Variants in ACYP2 observed in about 807,000 individuals in gnomAD.
ACYP2 encodes acylphosphatase 2.
Under a neutral mutation model 11.2 loss-of-function variants are expected in ACYP2, and 12 were observed. The ratio of observed to expected loss-of-function variants is 1.08; its 90% confidence interval spans 0.69 to 1.74. The LOEUF (loss-of-function observed/expected upper bound fraction) is 1.74, where lower values mean the gene tolerates loss of function less well. Ranked by LOEUF, ACYP2 falls within the 40% of genes most tolerant of loss-of-function variation. ACYP2 has a pLI of 0.00. For synonymous variants in ACYP2, 43 were observed against 32.2 expected (o/e 1.33, Z -1.13); for missense variants, 134 against 101.9 (o/e 1.31, Z -1.35).
At chr2:54,066,372 C>G (rs1185542463) in intron 4 of ACYP2, among the ~76,000 whole-genome samples, 1 of 152,216 alleles carries the variant, frequency 6.6e-6, no homozygotes, top group Non-Finnish European at 1.5e-5. Context: ...ACATGCAGAA[C>G]TGTGAGTCAA....
At chr2:54,299,476 C>A (rs1337874388) in intron 6 of ACYP2, among the ~76,000 whole-genome samples, 1 of 151,592 alleles carries the variant, frequency 6.6e-6, no homozygotes, top group African/African-American at 2.4e-5. Flanking sequence ...CCTGTAATCC[C>A]AGTTACTCAG....
chr2:54,044,555 C>A (rs1675415774), intron 2 of ACYP2, among the ~76,000 whole-genome samples: 2 of 151,998 alleles, frequency 1.3e-5, no homozygotes, highest in African/African-American at 4.8e-5. Flanking sequence ...CCACTGCACT[C>A]CAGTCTGGGC....
At chr2:54,303,095 C>A (rs1054705648) in intron 6 of ACYP2, among the ~76,000 whole-genome samples, 1 of 152,180 alleles carries the variant, frequency 6.6e-6, no homozygotes, top group Non-Finnish European at 1.5e-5. Flanking sequence ...GTGGCTCACA[C>A]CTGTCATCCA....
At chr2:54,144,544 C>T (rs974212338) in intron 6 of ACYP2, among the ~76,000 whole-genome samples, 2 of 151,766 alleles carry the variant, frequency 1.3e-5, no homozygotes, top group East Asian at 3.9e-4. Flanking sequence ...CGTGGTGGTA[C>T]ACACCTGTAA....
intron 2 of ACYP2, among the ~76,000 whole-genome samples, chr2:54,032,679 T>C (rs139515889): frequency 0.021 from 3,167 of 152,260 alleles, 104 homozygotes; most frequent in African/African-American, 0.073. Context: ...ATTGGTAGCT[T>C]GATGGGGATG....
At chr2:54,258,823 A>G (rs1687661978) in intron 6 of ACYP2, among the ~76,000 whole-genome samples, 1 of 152,216 alleles carries the variant, frequency 6.6e-6, no homozygotes, top group African/African-American at 2.4e-5. Flanking sequence ...TGGGTAATTT[A>G]TAAAGAAAAG....
At chr2:54,133,987 T>C (rs182708743) in intron 4 of ACYP2, among the ~76,000 whole-genome samples, 2 of 152,306 alleles carry the variant, frequency 1.3e-5, no homozygotes, top group South Asian at 2.1e-4. Context: ...TTGGCCAATA[T>C]AGAACAGCTT....
chr2:54,114,739 G>T (rs1679655660), intron 4 of ACYP2, among the ~76,000 whole-genome samples: 1 of 152,184 alleles, frequency 6.6e-6, no homozygotes, highest in South Asian at 2.1e-4. Flanking sequence ...CAGACAAGAT[G>T]ACTACAGTGT....
intron 6 of ACYP2, among the ~76,000 whole-genome samples, chr2:54,139,128 C>T (rs1195644926): frequency 1.3e-5 from 2 of 152,174 alleles, no homozygotes; most frequent in Non-Finnish European, 2.9e-5. Context: ...GGGCTGGCCT[C>T]GAGAAGAATT....
chr2:53,991,849 G>A (rs1472996705), intron 2 of ACYP2, among the ~76,000 whole-genome samples: 1 of 151,850 alleles, frequency 6.6e-6, no homozygotes, highest in Non-Finnish European at 1.5e-5. Context: ...GGAGTGTAGT[G>A]GCTATTCACA....
chr2:54,107,175 C>CT (rs1679211488), intron 4 of ACYP2, among the ~76,000 whole-genome samples: 1 of 152,030 alleles, frequency 6.6e-6, no homozygotes, highest in Non-Finnish European at 1.5e-5. Context: ...AACTAGAGCG[C>CT]TAGACATGTT....
At chr2:54,210,312 C>G (rs1041244335) in intron 6 of ACYP2, among the ~76,000 whole-genome samples, 1 of 152,036 alleles carries the variant, frequency 6.6e-6, no homozygotes, top group African/African-American at 2.4e-5. Context: ...CCAATGTTGA[C>G]TGAAATTGCT....
chr2:54,178,352 T>C lies in ACYP2; in HGVS notation c.404+39604T>C, dbSNP rs1683559270. ...TTATGGCTGGACCGTGAACCTTGAG[T>C]TGTTTATCCAGTAGTGCTAAGAGAT... On this transcript the variant is annotated intron_variant, in intron 6 of 6. Transcript: ENST00000607452. Among the ~76,000 whole-genome samples, 3 of 152,276 alleles carry C rather than the reference T, an allele frequency of 2.0e-5. No homozygotes were observed. The South Asian group carries it at 6.2e-4, about 32-fold the overall frequency.
At chr2:54,039,531 A>G (rs1410298032) in intron 2 of ACYP2, among the ~76,000 whole-genome samples, 2 of 151,746 alleles carry the variant, frequency 1.3e-5, no homozygotes, top group East Asian at 1.9e-4. Flanking sequence ...AGCTCAAGCA[A>G]TCCACTCACC....
intron 6 of ACYP2, among the ~76,000 whole-genome samples, chr2:54,304,069 G>T (rs1001663988): frequency 6.6e-6 from 1 of 152,108 alleles, no homozygotes; most frequent in African/African-American, 2.4e-5. Flanking sequence ...CATTCAACTT[G>T]TCCTTTAATG....
chr2:54,184,545 G>A (rs1374060531), intron 6 of ACYP2, among the ~76,000 whole-genome samples: 1 of 152,026 alleles, frequency 6.6e-6, no homozygotes. Context: ...AATCATACAA[G>A]TAGGTAGAAA....
At chr2:54,091,350 G>GA (rs1337099095) in intron 4 of ACYP2, among the ~76,000 whole-genome samples, 2 of 151,960 alleles carry the variant, frequency 1.3e-5, no homozygotes, top group Non-Finnish European at 2.9e-5. Context: ...AAAAAGATGA[G>GA]AAAAAATGTT....
At chr2:53,995,160 A>G (rs1672510799) in intron 2 of ACYP2, among the ~76,000 whole-genome samples, 1 of 152,094 alleles carries the variant, frequency 6.6e-6, no homozygotes, top group Non-Finnish European at 1.5e-5. Flanking sequence ...CTCTTCTCTC[A>G]GAGAACTGCT....
chr2:54,098,648 C>T (rs559640871), intron 4 of ACYP2, among the ~76,000 whole-genome samples: 3 of 151,898 alleles, frequency 2.0e-5, no homozygotes, highest in African/African-American at 7.2e-5. Context: ...CTTGCTTGTC[C>T]TGCCTCCCTT....
Sources: allele counts gnomAD v4.1 joint callset (sites outside exome capture counted in the v4.1 genomes callset), GRCh38; gene constraint gnomAD v4.1.1; transcripts MANE v1.5; gene names NCBI Gene and HGNC (gene_info 2026-07-23, HGNC 2026-07-21).